The following PRKG1 variants were observed in gnomAD, a reference collection of about 807,000 sequenced individuals.
The protein encoded by PRKG1 is protein kinase cGMP-dependent 1.
A neutral mutation model predicts 88.1 loss-of-function variants in PRKG1; 35 were observed. That is an observed-to-expected ratio of 0.40 (90% CI 0.30 to 0.53). The LOEUF (loss-of-function observed/expected upper bound fraction) is 0.53. Ranked by LOEUF, PRKG1 falls within the 20% of genes least tolerant of loss-of-function variation. The probability of loss-of-function intolerance (pLI) is 0.59; values close to 1 mark genes in which losing one functional copy is unlikely to be tolerated. For synonymous variants in PRKG1, 303 were observed against 292.5 expected, an observed-to-expected ratio of 1.04 and a Z score of -0.37; for missense variants, 540 against 839.8, an observed-to-expected ratio of 0.64 and a Z score of 4.41.
At chr10:51,123,536 A>G (rs886777100) in intron 1 of PRKG1, among the ~76,000 whole-genome samples, 64 of 152,118 alleles carry the variant, frequency 4.2e-4, no homozygotes, top group African/African-American at 1.4e-3. Context: ...AAATACAAAA[A>G]TTAGCCAGGC....
intron 3 of PRKG1, among the ~76,000 whole-genome samples, chr10:51,570,568 T>A (rs1837726514): frequency 6.6e-6 from 1 of 151,784 alleles, no homozygotes; most frequent in Non-Finnish European, 1.5e-5. Context: ...CAAACCTAGG[T>A]GTTTTCAAAG....
At chr10:51,433,778 A>G (rs945826981) in intron 2 of PRKG1, among the ~76,000 whole-genome samples, 22 of 152,148 alleles carry the variant, frequency 1.4e-4, no homozygotes, top group Non-Finnish European at 3.2e-4. Flanking sequence ...CATTTAGTAT[A>G]TAACTTGGAA....
At chr10:51,214,506 G>A (rs1838318383) in intron 2 of PRKG1, among the ~76,000 whole-genome samples, 1 of 151,582 alleles carries the variant, frequency 6.6e-6, no homozygotes, top group Non-Finnish European at 1.5e-5. Flanking sequence ...TTTTTTGACA[G>A]GGTATTGCTC....
chr10:51,894,736 T>C (rs1279560762), intron 4 of PRKG1, among the ~76,000 whole-genome samples: 1 of 152,190 alleles, frequency 6.6e-6, no homozygotes, highest in East Asian at 1.9e-4. Context: ...TGAAAGTTCA[T>C]AGTTAGATAT....
chr10:51,424,749 T>C (rs1400608265), intron 2 of PRKG1, among the ~76,000 whole-genome samples: 1 of 152,182 alleles, frequency 6.6e-6, no homozygotes, highest in Non-Finnish European at 1.5e-5. Context: ...TGCTTTAAGA[T>C]GACACCATAT....
chr10:51,631,376 G>A (rs1839521849), intron 3 of PRKG1, among the ~76,000 whole-genome samples: 1 of 152,110 alleles, frequency 6.6e-6, no homozygotes, highest in South Asian at 2.1e-4. Context: ...ACTAATAGGT[G>A]GGCCATGCAT....
chr10:51,801,138 C>T (rs17629494), intron 3 of PRKG1, among the ~76,000 whole-genome samples: 12,164 of 152,064 alleles, frequency 0.08, 535 homozygotes, highest in Non-Finnish European at 0.092. Flanking sequence ...TGTACTAGAC[C>T]AGGAATCAGC....
intron 3 of PRKG1, among the ~76,000 whole-genome samples, chr10:51,532,927 T>G (rs570841521): frequency 6.6e-6 from 1 of 152,308 alleles, no homozygotes; most frequent in African/African-American, 2.4e-5. Context: ...TGGGTATTGA[T>G]GAGCAGGATA....
chr10:51,493,328 T>C (rs1840760141), intron 3 of PRKG1, among the ~76,000 whole-genome samples: 1 of 152,192 alleles, frequency 6.6e-6, no homozygotes. Context: ...GTTGTCTATA[T>C]TTAAGGTGAT....
intron 5 of PRKG1, among the ~76,000 whole-genome samples, chr10:52,002,877 T>G (rs1844635556): frequency 6.6e-6 from 1 of 152,230 alleles, no homozygotes; most frequent in South Asian, 2.1e-4. Context: ...TAAAATATTT[T>G]TTTTTCTACA....
At chr10:51,583,010 AT>A (rs769498430) in intron 3 of PRKG1, among the ~76,000 whole-genome samples, 1 of 152,136 alleles carries the variant, frequency 6.6e-6, no homozygotes, top group Non-Finnish European at 1.5e-5. Context: ...GGCAAGACTT[AT>A]GTTTGTTGGA....
intron 7 of PRKG1, among the ~76,000 whole-genome samples, chr10:52,112,895 G>A (rs1847597638): frequency 6.6e-6 from 1 of 152,140 alleles, no homozygotes; most frequent in Admixed American, 6.6e-5. Flanking sequence ...ATCATTATAG[G>A]ATTGTTGTGA....
intron 3 of PRKG1, among the ~76,000 whole-genome samples, chr10:51,618,767 G>GTATT (rs1255962216): frequency 1.3e-5 from 2 of 151,330 alleles, no homozygotes; most frequent in South Asian, 2.1e-4. Context: ...TATTTATTAT[G>GTATT]TATTTATTTA....
At chr10:51,838,023 GA>G (rs1056762059) in intron 4 of PRKG1, among the ~76,000 whole-genome samples, 2 of 151,898 alleles carry the variant, frequency 1.3e-5, no homozygotes, top group African/African-American at 4.8e-5. Flanking sequence ...TCTTATCTGG[GA>G]AAGTCTAAAG....
At position 51,152,994 on chromosome 10, in the gene PRKG1, G is replaced by T. The variant is rs3740292; in HGVS notation, c.312-170G>T. On this transcript the variant is annotated intron_variant, in intron 1 of 17. Coordinates refer to ENST00000373980, the MANE Select transcript of PRKG1 (RefSeq NM_006258.4). ...TTAGTGCCTTTTTTTTTTTTTTTTTGTTTTGCTGCCATGGACATACTTTGT... is the reference window on the plus strand; with the variant it reads ...TTAGTGCCTTTTTTTTTTTTTTTTTTTTTTGCTGCCATGGACATACTTTGT... 0.69 allele frequency among the ~76,000 whole-genome samples: 82,895 copies of T among 119,302 alleles called. 25,122 individuals are homozygous for T. Among genetic ancestry groups the T allele is most frequent in the African/African-American group, 0.81 (27,579 of 34,118 alleles). The allele number at this position is 119,302 out of a possible 152,430, so 78.3% of individuals were successfully genotyped here.
intron 5 of PRKG1, among the ~76,000 whole-genome samples, chr10:51,942,881 T>C (rs1842941230): frequency 6.6e-6 from 1 of 150,608 alleles, no homozygotes; most frequent in African/African-American, 2.5e-5. Context: ...TGAAGTCAGG[T>C]AGCATGATGC....
At chr10:51,581,338 C>T (rs1425698183) in intron 3 of PRKG1, among the ~76,000 whole-genome samples, 1 of 152,058 alleles carries the variant, frequency 6.6e-6, no homozygotes, top group Admixed American at 6.6e-5. Context: ...ACAAACAATC[C>T]ATAGAAACAG....
chr10:51,483,368 A>G (rs1380327144), intron 3 of PRKG1, among the ~76,000 whole-genome samples: 2 of 152,084 alleles, frequency 1.3e-5, no homozygotes, highest in African/African-American at 2.4e-5. Flanking sequence ...GTTTCTTTCC[A>G]TTTAATGCCT....
At chr10:51,622,363 A>G (rs1001309578) in intron 3 of PRKG1, among the ~76,000 whole-genome samples, 2 of 152,122 alleles carry the variant, frequency 1.3e-5, no homozygotes, top group African/African-American at 4.8e-5. Flanking sequence ...TCTGCCTACA[A>G]TTTTGGGGTA....
Sources: gnomAD v4.1 joint callset for allele counts (sites outside exome capture counted in the v4.1 genomes callset) on GRCh38, gnomAD v4.1.1 for gene constraint, MANE v1.5 for transcripts, NCBI Gene and HGNC (gene_info 2026-07-23, HGNC 2026-07-21) for gene names.